The following SLC4A7 variants were observed in gnomAD, a reference collection of about 807,000 sequenced individuals.
SLC4A7 encodes the protein solute carrier family 4 member 7.
SLC4A7 carries 51 observed loss-of-function variants against 137.6 expected under a neutral mutation model. The ratio of observed to expected loss-of-function variants is 0.37; its 90% CI spans 0.30 to 0.47. SLC4A7 has a LOEUF of 0.47. SLC4A7 is among the 20% of genes least tolerant of loss of function. The pLI is 1.00. For synonymous variants in SLC4A7, 542 were observed against 518.6 expected (o/e 1.05, Z -0.61); for missense variants, 1,247 against 1,525.4 (o/e 0.82, Z 3.04).
intron 8 of SLC4A7, chr3:27,422,700 A>C (rs2055113503): frequency 2.3e-6 from 1 of 430,026 alleles, no homozygotes; most frequent in Non-Finnish European, 4.7e-6. Context: ...AATTATGTGA[A>C]CTTCATTTAT....
intron 1 of SLC4A7, among the ~76,000 whole-genome samples, chr3:27,475,118 A>C (rs2150728596): frequency 6.6e-6 from 1 of 152,136 alleles, no homozygotes; most frequent in South Asian, 2.1e-4. Flanking sequence ...AAGAAAAAAA[A>C]CCAGTATCAA....
At chr3:27,422,687 C>A in intron 8 of SLC4A7, 1 of 423,822 alleles carries the variant, frequency 2.4e-6, no homozygotes, top group Non-Finnish European at 4.8e-6. Context: ...ACACATGATA[C>A]CAAATTATGT....
intron 3 of SLC4A7, among the ~76,000 whole-genome samples, chr3:27,443,568 T>A (rs1007376190): frequency 6.6e-6 from 1 of 152,136 alleles, no homozygotes; most frequent in Non-Finnish European, 1.5e-5. Flanking sequence ...TGTGCCCTAT[T>A]TTTTTTCCTT....
chr3:27,478,780 G>C (rs2059581133), intron 1 of SLC4A7, among the ~76,000 whole-genome samples: 1 of 148,770 alleles, frequency 6.7e-6, no homozygotes, highest in South Asian at 2.1e-4. Context: ...TTGAGGTCAG[G>C]AGTTCAAGAC....
At chr3:27,413,249 AC>A (rs1399019902) in intron 11 of SLC4A7, among the ~76,000 whole-genome samples, 3 of 152,196 alleles carry the variant, frequency 2.0e-5, no homozygotes, top group Non-Finnish European at 4.4e-5. Flanking sequence ...AGGAAGTTTT[AC>A]ATATACCAAT....
chr3:27,453,622 T>C (rs56831712), intron 1 of SLC4A7, among the ~76,000 whole-genome samples: 4,681 of 152,272 alleles, frequency 0.031, 252 homozygotes, highest in African/African-American at 0.11. Context: ...TAAAAATGTA[T>C]ACAAAGTAAA....
chr3:27,435,490 C>T (rs557222815), intron 5 of SLC4A7, among the ~76,000 whole-genome samples: 2 of 152,266 alleles, frequency 1.3e-5, no homozygotes, highest in East Asian at 1.9e-4. Context: ...TATCTCATAT[C>T]ACACTATTCC....
At chr3:27,454,931 T>C (rs1268394428) in intron 1 of SLC4A7, among the ~76,000 whole-genome samples, 1 of 151,982 alleles carries the variant, frequency 6.6e-6, no homozygotes, top group Non-Finnish European at 1.5e-5. Context: ...TTACTATACT[T>C]ATTTAAAATA....
At chr3:27,474,831 C>T (rs1164989123) in intron 1 of SLC4A7, among the ~76,000 whole-genome samples, 1 of 152,046 alleles carries the variant, frequency 6.6e-6, no homozygotes, top group African/African-American at 2.4e-5. Context: ...AGGCAACAAA[C>T]CAGTATCAGG....
At chr3:27,471,918 A>T (rs1169827573) in intron 1 of SLC4A7, among the ~76,000 whole-genome samples, 1 of 152,218 alleles carries the variant, frequency 6.6e-6, no homozygotes, top group Non-Finnish European at 1.5e-5. Flanking sequence ...TGTGAGGCCG[A>T]TTGAAAAAGC....
chr3:27,377,096 A>G (rs2049966892), intron 25 of SLC4A7, among the ~76,000 whole-genome samples: 1 of 152,076 alleles, frequency 6.6e-6, no homozygotes, highest in South Asian at 2.1e-4. Context: ...ACAACTAAAG[A>G]GGGGGTCCTT....
At chr3:27,383,009 G>C in intron 24 of SLC4A7, 144 bp downstream of exon 24, 1 of 603,264 alleles carries the variant, frequency 1.7e-6, no homozygotes, top group African/African-American at 1.9e-5. Flanking sequence ...CAAATTGTGT[G>C]AAGCCCTCCT....
chr3:27,414,951 C>T (rs1453453044), intron 11 of SLC4A7, among the ~76,000 whole-genome samples: 1 of 152,168 alleles, frequency 6.6e-6, no homozygotes, highest in African/African-American at 2.4e-5. Context: ...GTTTCAGGCT[C>T]GATAACGTTC....
intron 11 of SLC4A7, among the ~76,000 whole-genome samples, chr3:27,415,249 T>C (rs574397408): frequency 6.6e-6 from 1 of 152,306 alleles, no homozygotes; most frequent in African/African-American, 2.4e-5. Context: ...GGCAGTCCCT[T>C]ACTGGCAAGG....
Position 27,383,676 on chromosome 3 carries a change from T to C in SLC4A7, c.3493-426A>G, listed in dbSNP as rs557796874. On this transcript the variant is annotated intron_variant, in intron 23 of 25. Transcript: ENST00000454389. Reference sequence around the variant, plus strand: ...AGGGTATAATATTTATCTTTTGTAGTAGAAGTCCTGTGTATATAGAGTATT... The same window carrying C: ...AGGGTATAATATTTATCTTTTGTAGCAGAAGTCCTGTGTATATAGAGTATT... Among the ~76,000 whole-genome samples the C allele has an allele frequency of 2.6e-5, 4 of 152,346 alleles. No individual in the cohort carries two copies. In the South Asian group the frequency reaches 6.2e-4, roughly 24 times the overall value.
intron 11 of SLC4A7, among the ~76,000 whole-genome samples, chr3:27,413,505 AG>A (rs1297318873): frequency 6.6e-6 from 1 of 152,216 alleles, no homozygotes; most frequent in Non-Finnish European, 1.5e-5. Context: ...TAGTAGACAC[AG>A]ACCACTACCA....
intron 13 of SLC4A7, among the ~76,000 whole-genome samples, chr3:27,408,894 G>A (rs1438331462): frequency 6.6e-6 from 1 of 152,154 alleles, no homozygotes; most frequent in Non-Finnish European, 1.5e-5. Context: ...CCATAATTAT[G>A]TTCTATTCTT....
intron 2 of SLC4A7, among the ~76,000 whole-genome samples, chr3:27,452,045 C>T (rs987077168): frequency 6.6e-6 from 1 of 152,162 alleles, no homozygotes; most frequent in South Asian, 2.1e-4. Flanking sequence ...AATGTAACAC[C>T]TATAAAATGA....
intron 1 of SLC4A7, among the ~76,000 whole-genome samples, chr3:27,460,980 C>A (rs1370242962): frequency 2.0e-5 from 3 of 151,996 alleles, no homozygotes; most frequent in South Asian, 2.1e-4. Context: ...ATAAAATGAA[C>A]CTGTTCAAAA....
Sources: allele counts gnomAD v4.1 joint callset (sites outside exome capture counted in the v4.1 genomes callset), GRCh38; gene constraint gnomAD v4.1.1; transcripts MANE v1.5; gene names NCBI Gene and HGNC (gene_info 2026-07-23, HGNC 2026-07-21).